EYS: variants seen among roughly 807,000 people sequenced by gnomAD.
EYS encodes the protein EGF-like photoreceptor maintenance factor.
A neutral mutation model predicts 282.1 loss-of-function variants in EYS; 250 were observed. That is an observed-to-expected ratio of 0.89 (90% CI 0.80 to 0.98). The LOEUF (loss-of-function observed/expected upper bound fraction) is 0.98. Ranked by LOEUF, EYS falls within the 50% of genes least tolerant of loss-of-function variation. EYS has a pLI of 0.00. For synonymous variants in EYS, 1,355 were observed against 1,282.9 expected, an observed-to-expected ratio of 1.06 and a Z score of -1.20; for missense variants, 4,016 against 3,709.0, an observed-to-expected ratio of 1.08 and a Z score of -2.15.
intron 30 of EYS, among the ~76,000 whole-genome samples, chr6:64,283,566 C>T (rs747436487): frequency 1.2e-3 from 184 of 152,248 alleles, no homozygotes; most frequent in Non-Finnish European, 2.2e-3. Context: ...GGTGAACACA[C>T]GCTTTTCATC....
chr6:65,027,295 C>G (rs186291137), intron 13 of EYS, among the ~76,000 whole-genome samples: 21 of 152,228 alleles, frequency 1.4e-4, no homozygotes, highest in African/African-American at 4.3e-4. Flanking sequence ...TAATGTCATA[C>G]TTTTCTAATG....
intron 33 of EYS, among the ~76,000 whole-genome samples, chr6:64,049,730 C>T (rs1006488390): frequency 2.0e-5 from 3 of 152,000 alleles, no homozygotes; most frequent in African/African-American, 4.8e-5. Flanking sequence ...AGGCACTTGG[C>T]GGAGAAACTA....
chr6:65,469,721 G>T (rs1469353819), intron 5 of EYS, among the ~76,000 whole-genome samples: 3 of 151,532 alleles, frequency 2.0e-5, no homozygotes, highest in Admixed American at 6.6e-5. Flanking sequence ...TTTTTTTTAA[G>T]TCACAAAAAG....
At chr6:63,826,861 AAAAG>A (rs1296782092) in intron 36 of EYS, among the ~76,000 whole-genome samples, 24 of 147,242 alleles carry the variant, frequency 1.6e-4, no homozygotes, top group African/African-American at 5.6e-4. Context: ...AAAAAAAAAA[AAAAG>A]GACAAAAACA....
intron 22 of EYS, among the ~76,000 whole-genome samples, chr6:64,799,310 C>T (rs1402034377): frequency 6.6e-6 from 1 of 151,744 alleles, no homozygotes; most frequent in Non-Finnish European, 1.5e-5. Context: ...TAAGCTCATC[C>T]TTTGAGATTG....
intron 29 of EYS, among the ~76,000 whole-genome samples, chr6:64,316,312 CA>C (rs1300160387): frequency 6.6e-6 from 1 of 151,770 alleles, no homozygotes; most frequent in Non-Finnish European, 1.5e-5. Context: ...TGAGTATTAC[CA>C]AACCCCATCG....
At chr6:63,927,222 G>A (rs918548614) in intron 35 of EYS, among the ~76,000 whole-genome samples, 27 of 152,134 alleles carry the variant, frequency 1.8e-4, no homozygotes, top group Non-Finnish European at 4.4e-5. Flanking sequence ...AGGAATAAAC[G>A]AGATTATCTA....
intron 40 of EYS, among the ~76,000 whole-genome samples, chr6:63,773,133 CTTTGT>C (rs1431466029): frequency 6.6e-6 from 1 of 152,092 alleles, no homozygotes; most frequent in South Asian, 2.1e-4. Flanking sequence ...AGTTTCCAGT[CTTTGT>C]TTTAACAAAT....
intron 24 of EYS, among the ~76,000 whole-genome samples, chr6:64,606,204 G>T (rs971465557): frequency 2.0e-5 from 3 of 151,852 alleles, no homozygotes; most frequent in African/African-American, 7.2e-5. Context: ...GTGTCATAAA[G>T]GATATATTAA....
At chr6:64,236,125 A>G in intron 30 of EYS, among the ~76,000 whole-genome samples, 1 of 152,110 alleles carries the variant, frequency 6.6e-6, no homozygotes, top group Non-Finnish European at 1.5e-5. Flanking sequence ...CTTATCCACC[A>G]TGATCAAGTG....
At chr6:64,922,265 T>G (rs1458997151) in intron 15 of EYS, among the ~76,000 whole-genome samples, 1 of 152,234 alleles carries the variant, frequency 6.6e-6, no homozygotes, top group East Asian at 1.9e-4. Context: ...GGGAAGATTC[T>G]GCTTGTTTCT....
intron 31 of EYS, among the ~76,000 whole-genome samples, chr6:64,091,087 T>C (rs1333338332): frequency 6.6e-6 from 1 of 152,168 alleles, no homozygotes; most frequent in African/African-American, 2.4e-5. Context: ...AGCCACACTC[T>C]ACTACTTGGC....
intron 31 of EYS, among the ~76,000 whole-genome samples, chr6:64,111,379 C>G (rs746114459): frequency 8.6e-5 from 13 of 151,948 alleles, no homozygotes; most frequent in Admixed American, 3.3e-4. Context: ...CTATAGGAGT[C>G]GAGCACGGAT....
At chr6:64,253,872 C>T (rs1030431781) in intron 30 of EYS, among the ~76,000 whole-genome samples, 2 of 152,098 alleles carry the variant, frequency 1.3e-5, no homozygotes, top group Non-Finnish European at 2.9e-5. Context: ...ATAGGGCTAT[C>T]TTAACATGTC....
At chr6:64,125,194 A>ATCTCTCTCTCTCTCTCTCTCTCTCTC (rs1562213634) in intron 31 of EYS, among the ~76,000 whole-genome samples, 1 of 146,004 alleles carries the variant, frequency 6.8e-6, no homozygotes, top group African/African-American at 2.7e-5. Flanking sequence ...CTCTCTCTCA[A>ATCTCTCTCTCTCTCTCTCTCTCTCTC]GGAGTAATGA....
intron 7 of EYS, among the ~76,000 whole-genome samples, chr6:65,390,236 C>T (rs1765966634): frequency 6.6e-6 from 1 of 150,382 alleles, no homozygotes; most frequent in African/African-American, 2.5e-5. Context: ...AAGAGGGATA[C>T]CAAAGTTATC....
At chr6:64,313,537 A>T (rs1178879298) in intron 29 of EYS, among the ~76,000 whole-genome samples, 2 of 152,112 alleles carry the variant, frequency 1.3e-5, no homozygotes, top group Non-Finnish European at 2.9e-5. Flanking sequence ...AGAGAACACC[A>T]CAAAGATACT....
At chr6:64,751,942 C>T (rs912963020) in intron 22 of EYS, among the ~76,000 whole-genome samples, 2 of 151,998 alleles carry the variant, frequency 1.3e-5, no homozygotes, top group East Asian at 3.9e-4. Context: ...GCCAAAGAAC[C>T]CTGCACAACA....
intron 5 of EYS, among the ~76,000 whole-genome samples, chr6:65,430,774 C>G (rs543459836): frequency 6.6e-6 from 1 of 152,286 alleles, no homozygotes; most frequent in South Asian, 2.1e-4. Context: ...CTAGGCACAT[C>G]CTGGGCCAGA....
Sources: allele counts gnomAD v4.1 joint callset (sites outside exome capture counted in the v4.1 genomes callset), GRCh38; gene constraint gnomAD v4.1.1; transcripts MANE v1.5; gene names NCBI Gene and HGNC (gene_info 2026-07-23, HGNC 2026-07-21).